The following BBS9 variants were observed in gnomAD, a reference collection of about 807,000 sequenced individuals.
BBS9 encodes protein PTHB1.
Under a neutral mutation model 117.7 loss-of-function variants are expected in BBS9, and 89 were observed. That is an observed-to-expected ratio of 0.76 (90% CI 0.64 to 0.90). The LOEUF (loss-of-function observed/expected upper bound fraction) is 0.90. Ranked by LOEUF, BBS9 falls within the 40% of genes least tolerant of loss-of-function variation. The pLI, the probability that BBS9 is intolerant of heterozygous loss-of-function variation, is 0.00. For synonymous variants in BBS9, 379 were observed against 370.9 expected (o/e 1.02, Z -0.25); for missense variants, 982 against 1,042.2 (o/e 0.94, Z 0.80).
chr7:33,389,196 G>A (rs1189583855), intron 19 of BBS9, among the ~76,000 whole-genome samples: 3 of 150,880 alleles, frequency 2.0e-5, no homozygotes, highest in Non-Finnish European at 3.0e-5. Context: ...TTCAGCATCC[G>A]CCACCACATT....
At chr7:33,276,765 T>G (rs1484257349) in intron 9 of BBS9, 1 of 152,434 alleles carries the variant, frequency 6.6e-6, no homozygotes, top group Non-Finnish European at 1.5e-5. Context: ...CCTGCTTTTG[T>G]CCTGATCAAC....
intron 21 of BBS9, among the ~76,000 whole-genome samples, chr7:33,544,154 C>T (rs1200661169): frequency 1.3e-5 from 2 of 152,164 alleles, no homozygotes; most frequent in Middle Eastern, 3.4e-3. Context: ...TTCTCTGGTC[C>T]CTCCCTGATT....
chr7:33,373,288 T>C (rs766786371), intron 17 of BBS9, among the ~76,000 whole-genome samples: 2 of 152,158 alleles, frequency 1.3e-5, no homozygotes, highest in African/African-American at 2.4e-5. Flanking sequence ...TTCATCAAAA[T>C]AATTCGATGA....
chr7:33,525,227 G>T (rs1269978879), intron 20 of BBS9, among the ~76,000 whole-genome samples: 1 of 150,444 alleles, frequency 6.6e-6, no homozygotes, highest in Non-Finnish European at 1.5e-5. Context: ...ATATTCTGTT[G>T]ATTTGGGGTG....
intron 21 of BBS9, among the ~76,000 whole-genome samples, chr7:33,548,436 C>A (rs551002393): frequency 6.6e-6 from 1 of 151,372 alleles, no homozygotes; most frequent in African/African-American, 2.4e-5. Context: ...CATGCTGGTG[C>A]GCTGCACCCA....
At chr7:33,387,871 C>G in intron 18 of BBS9, 121 bp from the exon 19 acceptor site, 1 of 1,114,840 alleles carries the variant, frequency 9.0e-7, no homozygotes, top group Non-Finnish European at 1.3e-6. Flanking sequence ...ATTCCCTTAA[C>G]TCTATAATGC....
At chr7:33,146,822 G>C (rs1457957404) in intron 2 of BBS9, among the ~76,000 whole-genome samples, 1 of 151,450 alleles carries the variant, frequency 6.6e-6, no homozygotes, top group African/African-American at 2.4e-5. Flanking sequence ...ATAATATTTA[G>C]GTATCAGACT....
rs1356740077 is a variant in BBS9 at position 33,605,190 on chromosome 7, T to C, written c.2633-5T>C. The stretch of plus-strand genomic sequence containing the variant: ...CTCTTTCTCTCTTACTCTCTTTTTT[T>C]CCAGAAGTTTCACCCCTCCAAGGAG... On this transcript the variant is annotated splice_region_variant and splice_polypyrimidine_tract_variant and intron_variant, in intron 22 of 22. Transcript: ENST00000242067. 6.2e-7 allele frequency: 1 copy of C among 1,610,838 alleles called. No homozygotes were observed. The highest frequency in any genetic ancestry group is 8.5e-7 in the Non-Finnish European group (1 of 1,176,982).
chr7:33,147,270 ATC>A (rs1415947879), intron 2 of BBS9, among the ~76,000 whole-genome samples: 2 of 147,188 alleles, frequency 1.4e-5, no homozygotes, highest in Admixed American at 6.8e-5. Context: ...TTTTTTTGTG[ATC>A]TAGTCATTAC....
chr7:33,598,885 G>C (rs1030796146), intron 21 of BBS9, among the ~76,000 whole-genome samples: 1 of 152,154 alleles, frequency 6.6e-6, no homozygotes, highest in East Asian at 1.9e-4. Context: ...TTAGGCCAGG[G>C]TTGCCAAACT....
chr7:33,395,700 TA>T (rs1284491379), intron 19 of BBS9, among the ~76,000 whole-genome samples: 2 of 152,230 alleles, frequency 1.3e-5, no homozygotes, highest in East Asian at 3.8e-4. Flanking sequence ...TTCTGTACTT[TA>T]AACTTCCTTC....
Position 33,540,490 on chromosome 7 carries a change from G to T in BBS9, c.2521+6314G>T, listed in dbSNP as rs530834061. On this transcript the variant is annotated intron_variant, in intron 21 of 22. Coordinates refer to ENST00000242067, the MANE Select transcript of BBS9 (RefSeq NM_198428.3). The stretch of plus-strand genomic sequence containing the variant: ...GTGTATTAATGATAACTATCCCTGC[G>T]TGTTAGAATTACAGGTGGTGTCTGA... Among the ~76,000 whole-genome samples the T allele has an allele frequency of 5.3e-5, 8 of 152,266 alleles. No homozygotes were observed. In the South Asian group the frequency reaches 1.0e-3, roughly 20 times the overall value.
chr7:33,618,885 A>G (rs1379642071), intron 21 of BBS9, among the ~76,000 whole-genome samples: 1 of 152,138 alleles, frequency 6.6e-6, no homozygotes, highest in Non-Finnish European at 1.5e-5. Context: ...CAAAAGAGAA[A>G]GAGAAAGAAA....
intron 4 of BBS9, among the ~76,000 whole-genome samples, chr7:33,170,404 C>A (rs1462233773): frequency 4.7e-5 from 7 of 147,866 alleles, no homozygotes; most frequent in South Asian, 2.2e-4. Flanking sequence ...ATTCAACAAC[C>A]CTTCATGCTA....
chr7:33,511,903 T>C (rs1010684915), intron 20 of BBS9, among the ~76,000 whole-genome samples: 1 of 152,196 alleles, frequency 6.6e-6, no homozygotes, highest in Non-Finnish European at 1.5e-5. Context: ...GAGTGATGAC[T>C]GCGATGGCTA....
At chr7:33,411,243 A>G (rs1024617298) in intron 19 of BBS9, among the ~76,000 whole-genome samples, 5 of 152,160 alleles carry the variant, frequency 3.3e-5, no homozygotes, top group African/African-American at 1.2e-4. Context: ...TTAGCAAACT[A>G]CTTCAAATCC....
intron 21 of BBS9, among the ~76,000 whole-genome samples, chr7:33,570,952 T>A (rs531911348): frequency 6.8e-4 from 103 of 152,308 alleles, no homozygotes; most frequent in Admixed American, 1.7e-3. Context: ...ACAGATGTGA[T>A]GTGGAATTTC....
chr7:33,174,842 G>A (rs532469777), intron 4 of BBS9, among the ~76,000 whole-genome samples: 41 of 152,266 alleles, frequency 2.7e-4, no homozygotes, highest in African/African-American at 4.6e-4. Context: ...GGTTAATACC[G>A]TATGTGTTTC....
chr7:33,505,756 T>A, intron 20 of BBS9, 111 bp downstream of exon 20: 1 of 1,188,024 alleles, frequency 8.4e-7, no homozygotes, highest in Non-Finnish European at 1.2e-6. Context: ...AGGGTTTGAT[T>A]TTTTACAAAA....
Sources: allele counts gnomAD v4.1 joint callset (sites outside exome capture counted in the v4.1 genomes callset), GRCh38; gene constraint gnomAD v4.1.1; transcripts MANE v1.5; gene names NCBI Gene and HGNC (gene_info 2026-07-23, HGNC 2026-07-21).